LARGE1: variants seen among roughly 807,000 people sequenced by gnomAD.
LARGE1 encodes the protein xylosyl- and glucuronyltransferase LARGE1.
LARGE1 carries 43 observed loss-of-function variants against 87.6 expected under a neutral mutation model. That is an observed-to-expected ratio of 0.49 (90% CI 0.38 to 0.63). LARGE1 has a LOEUF of 0.63. LARGE1 is among the 30% of genes least tolerant of loss of function. The pLI is 0.00. For missense variants in LARGE1, 802 were observed against 1,000.2 expected, an observed-to-expected ratio of 0.80 and a Z score of 2.67; for synonymous variants, 434 against 394.6, an observed-to-expected ratio of 1.10 and a Z score of -1.18.
chr22:33,658,238 A>G (rs779328968), intron 2 of LARGE1, among the ~76,000 whole-genome samples: 20 of 152,240 alleles, frequency 1.3e-4, no homozygotes, highest in Admixed American at 6.5e-4. Context: ...ATGAATTCAT[A>G]TAGCATCTCT....
intron 6 of LARGE1, among the ~76,000 whole-genome samples, chr22:33,493,522 A>C (rs1196244012): frequency 2.6e-5 from 4 of 152,030 alleles, no homozygotes; most frequent in African/African-American, 9.7e-5. Flanking sequence ...AAATGGTTCA[A>C]CCTAATGGTG....
chr22:33,600,578 C>G (rs1241992613), intron 5 of LARGE1, among the ~76,000 whole-genome samples: 1 of 152,054 alleles, frequency 6.6e-6, no homozygotes, highest in East Asian at 1.9e-4. Flanking sequence ...TATTCATTAG[C>G]AATGGGGGAA....
At chr22:33,837,328 T>TAC (rs144524602) in intron 1 of LARGE1, among the ~76,000 whole-genome samples, 3 of 151,600 alleles carry the variant, frequency 2.0e-5, no homozygotes, top group South Asian at 4.2e-4. Flanking sequence ...ACAGGATATA[T>TAC]ACACACACAC....
rs182910200 is a variant in LARGE1 at position 33,530,349 on chromosome 22, C to A, written c.787+34499G>T. ...CAGCACAGTTACTTGCAGCCAAAAGCTCTCCTAACTGAGATTATATAAATA... is the reference window on the plus strand; with the variant it reads ...CAGCACAGTTACTTGCAGCCAAAAGATCTCCTAACTGAGATTATATAAATA... On this transcript the variant is annotated intron_variant, in intron 6 of 14. Coordinates refer to ENST00000397394, the MANE Select transcript of LARGE1 (RefSeq NM_133642.5). 4.6e-5 allele frequency among the ~76,000 whole-genome samples: 7 copies of A among 152,240 alleles called. No homozygotes were observed. The East Asian group carries it at 1.4e-3, about 29-fold the overall frequency.
At chr22:33,472,072 G>T (rs1001745436) in intron 6 of LARGE1, among the ~76,000 whole-genome samples, 3 of 152,136 alleles carry the variant, frequency 2.0e-5, no homozygotes, top group Admixed American at 2.0e-4. Context: ...TAGAGCCTCA[G>T]TGGAGAGCCA....
rs181294710 is a variant in LARGE1 at position 33,529,416 on chromosome 22, T to C, written c.787+35432A>G. On this transcript the variant is annotated intron_variant, in intron 6 of 14. Transcript: ENST00000397394. The stretch of plus-strand genomic sequence containing the variant: ...TGCCCCATTACCTACTGGGAATCCA[T>C]GCAAGAGCACTTACCAATGGGGATG... Among the ~76,000 whole-genome samples, 28 of 152,352 alleles carry C rather than the reference T, an allele frequency of 1.8e-4. 1 individual carries two copies. Among genetic ancestry groups the C allele is most frequent in the Admixed American group, 1.6e-3 (24 of 15,306 alleles).
intron 4 of LARGE1, among the ~76,000 whole-genome samples, chr22:33,611,182 A>T (rs2079417632): frequency 6.6e-6 from 1 of 152,240 alleles, no homozygotes; most frequent in South Asian, 2.1e-4. Flanking sequence ...ACTGCCTAGC[A>T]GAGCTGTGGG....
intron 11 of LARGE1, among the ~76,000 whole-genome samples, chr22:33,261,000 A>G (rs1927596029): frequency 1.3e-5 from 2 of 152,168 alleles, no homozygotes; most frequent in African/African-American, 2.4e-5. Flanking sequence ...ATGCCAATGA[A>G]TTGCCCAAGG....
intron 11 of LARGE1, among the ~76,000 whole-genome samples, chr22:33,187,641 G>A (rs866088345): frequency 6.6e-6 from 1 of 151,946 alleles, no homozygotes; most frequent in Non-Finnish European, 1.5e-5. Flanking sequence ...AGAGGAGGCC[G>A]GGCGCGATGG....
intron 9 of LARGE1, among the ~76,000 whole-genome samples, chr22:33,358,038 G>A (rs889929758): frequency 6.6e-6 from 1 of 152,168 alleles, no homozygotes; most frequent in Non-Finnish European, 1.5e-5. Flanking sequence ...CTGGGGGAAT[G>A]AGAGATCCCG....
intron 11 of LARGE1, among the ~76,000 whole-genome samples, chr22:33,206,855 C>T (rs936119692): frequency 3.9e-5 from 6 of 152,218 alleles, no homozygotes; most frequent in Admixed American, 3.3e-4. Flanking sequence ...GTTGGCTCCT[C>T]CTTTCCTGCT....
At chr22:33,892,403 C>T (rs2065028359) in intron 1 of LARGE1, among the ~76,000 whole-genome samples, 1 of 152,154 alleles carries the variant, frequency 6.6e-6, no homozygotes, top group African/African-American at 2.4e-5. Flanking sequence ...TGCTCAAGAT[C>T]TTTTAAGGCA....
At chr22:33,811,134 C>T (rs1188627024) in intron 1 of LARGE1, among the ~76,000 whole-genome samples, 2 of 152,096 alleles carry the variant, frequency 1.3e-5, no homozygotes, top group East Asian at 1.9e-4. Flanking sequence ...CTTATGTTAA[C>T]TGCAATAACC....
intron 6 of LARGE1, among the ~76,000 whole-genome samples, chr22:33,510,913 G>A (rs900389011): frequency 4.6e-5 from 7 of 152,184 alleles, no homozygotes; most frequent in African/African-American, 7.2e-5. Flanking sequence ...TCTGAAGTCC[G>A]TGCTACATGC....
chr22:33,381,372 C>G (rs762016284), intron 9 of LARGE1, among the ~76,000 whole-genome samples: 17 of 152,168 alleles, frequency 1.1e-4, no homozygotes, highest in Non-Finnish European at 1.6e-4. Context: ...TTGGTACCTA[C>G]AGAGTGGTGA....
In LARGE1 at chr22:33,247,044, A is replaced by AGTGT. The variant is rs1203064501; in HGVS notation, c.1730+57184_1730+57185insACAC. ...TTTTTACTATGAGAGAACTGCAGCC[A>AGTGT]GTATGTGTGTGTGTGTGTGTGTGTG... On this transcript the variant is annotated intron_variant, in intron 11 of 11. Coordinates refer to the LARGE1 transcript ENST00000608642. Among the ~76,000 whole-genome samples the AGTGT allele has an allele frequency of 5.8e-3, 482 of 82,908 alleles. 4 individuals are homozygous for AGTGT. The highest frequency in any genetic ancestry group is 0.02 in the African/African-American group (457 of 22,350). The allele number at this position is 82,908 out of a possible 152,430, so 54.4% of individuals were successfully genotyped here. A position where few individuals can be genotyped will look rare whatever the true frequency, so the allele number is the denominator to read the frequency against.
chr22:33,095,931 G>A, the LARGE1 span, among the ~76,000 whole-genome samples: 2 of 152,184 alleles, frequency 1.3e-5, no homozygotes, highest in African/African-American at 2.4e-5. Flanking sequence ...CTAGCAGTGA[G>A]TTTTGGAGTA....
chr22:33,440,226 C>A (rs1241028259), intron 6 of LARGE1, among the ~76,000 whole-genome samples: 1 of 152,182 alleles, frequency 6.6e-6, no homozygotes. Context: ...AAAAAATATA[C>A]ATTATCCACA....
intron 11 of LARGE1, among the ~76,000 whole-genome samples, chr22:33,239,854 A>T (rs770911573): frequency 2.6e-5 from 4 of 152,076 alleles, no homozygotes; most frequent in Non-Finnish European, 2.9e-5. Flanking sequence ...TTACTATTAT[A>T]TGCTTTGCAT....
Sources: gnomAD v4.1 joint callset for allele counts (sites outside exome capture counted in the v4.1 genomes callset) on GRCh38, gnomAD v4.1.1 for gene constraint, MANE v1.5 for transcripts, NCBI Gene and HGNC (gene_info 2026-07-23, HGNC 2026-07-21) for gene names.